The following ALG12 variants were observed in gnomAD, a reference collection of about 807,000 sequenced individuals.
The protein encoded by ALG12 is dol-P-Man:Man(7)GlcNAc(2)-PP-Dol alpha-1,6-mannosyltransferase.
Under a neutral mutation model 46.0 loss-of-function variants are expected in ALG12, and 36 were observed. That is an observed-to-expected ratio of 0.78 (90% CI 0.60 to 1.03). The LOEUF is 1.03. ALG12 is among the 50% of genes least tolerant of loss of function. The pLI is 0.00. For missense variants in ALG12, 599 were observed against 633.5 expected (o/e 0.95, Z 0.58); for synonymous variants, 326 against 291.6 (o/e 1.12, Z -1.20).
At chr22:49,916,084 C>A (rs901550989) in intron 1 of ALG12, among the ~76,000 whole-genome samples, 1 of 150,794 alleles carries the variant, frequency 6.6e-6, no homozygotes, top group African/African-American at 2.4e-5. Context: ...ATGGTAAAAC[C>A]CCGTCTCTAC....
chr22:49,873,723 A>G, the ALG12 span, among the ~76,000 whole-genome samples: 1 of 152,196 alleles, frequency 6.6e-6, no homozygotes, highest in African/African-American at 2.4e-5. Flanking sequence ...TTCCCACCTC[A>G]TCACCCCCAC....
chr22:49,897,938 C>T (rs11704585), downstream of ALG12, among the ~76,000 whole-genome samples: 7 of 151,942 alleles, frequency 4.6e-5, no homozygotes, highest in Admixed American at 3.3e-4. Flanking sequence ...GGATTACAGG[C>T]GTGAGCCACC....
chr22:49,879,472 C>T, the ALG12 span, among the ~76,000 whole-genome samples: 1 of 151,844 alleles, frequency 6.6e-6, no homozygotes, highest in Non-Finnish European at 1.5e-5. Flanking sequence ...CCATGTTGCC[C>T]AGGCACACAC....
In ALG12 at chr22:49,918,288, C is replaced by G. The variant is rs1333406149; in HGVS notation, c.-104G>C. 1 of 152,506 alleles carries G rather than the reference C, an allele frequency of 6.6e-6. No homozygotes were observed. Among genetic ancestry groups the G allele is most frequent in the Non-Finnish European group, 1.5e-5 (1 of 68,188 alleles). 9.4% of individuals were successfully genotyped at this position (152,506 alleles called of 1,614,324 possible). Reference sequence around the variant, plus strand: ...CTCCGCAGCTCCCGGCGGCGTCCTTCGAAGCGCGGCTGCCTGGGCCAGCCT... The same window carrying G: ...CTCCGCAGCTCCCGGCGGCGTCCTTGGAAGCGCGGCTGCCTGGGCCAGCCT... On this transcript the variant is annotated 5_prime_UTR_variant, in exon 1 of 10. Transcript: ENST00000330817.
the ALG12 span, among the ~76,000 whole-genome samples, chr22:49,869,993 G>T: frequency 0.64 from 97,721 of 151,772 alleles, 35,634 homozygotes; most frequent in East Asian, 0.85. Context: ...CCTCACTCTC[G>T]CAGTCCCAGT....
the ALG12 span, among the ~76,000 whole-genome samples, chr22:49,890,662 G>T: frequency 1.3e-5 from 2 of 152,170 alleles, no homozygotes; most frequent in African/African-American, 4.8e-5. Flanking sequence ...CACTGATGAG[G>T]CTTTCCTGGG....
chr22:49,886,841 C>T, the ALG12 span: 10 of 1,613,868 alleles, frequency 6.2e-6, no homozygotes, highest in Admixed American at 1.5e-4. This position sits in a 1 kb window ranked among gnomAD's most constrained non-coding sequence, Gnocchi z 7.7. Flanking sequence ...GACTCTGCCG[C>T]AGAGGAGAAC....
intron 3 of ALG12, among the ~76,000 whole-genome samples, chr22:49,911,276 C>G (rs544407349): frequency 2.6e-4 from 39 of 152,352 alleles, no homozygotes; most frequent in African/African-American, 8.7e-4. Context: ...TGAGAAGCAA[C>G]TGGGTCCAGG....
At chr22:49,892,775 TTTTC>T in the ALG12 span, among the ~76,000 whole-genome samples, 1 of 152,154 alleles carries the variant, frequency 6.6e-6, no homozygotes, top group Non-Finnish European at 1.5e-5. Flanking sequence ...GAAAACTAAA[TTTTC>T]TTTCAATGAA....
At chr22:49,886,808 G>A in the ALG12 span, 3 of 1,613,432 alleles carry the variant, frequency 1.9e-6, no homozygotes, top group Non-Finnish European at 2.5e-6. This position sits in a 1 kb window ranked among gnomAD's most constrained non-coding sequence, Gnocchi z 7.7. Flanking sequence ...TCCCACAGGT[G>A]TGATGCTGGC....
chr22:49,885,892 C>T, the ALG12 span: 3 of 1,128,146 alleles, frequency 2.7e-6, no homozygotes, highest in Admixed American at 1.8e-5. Flanking sequence ...CCGTGAGTAC[C>T]TGACCCTCAC....
chr22:49,887,464 T>C, the ALG12 span: 3 of 304,606 alleles, frequency 9.8e-6, no homozygotes, highest in East Asian at 1.7e-4. Flanking sequence ...TTTAAAGTTT[T>C]GGGTTAGTAA....
At chr22:49,895,544 C>T (rs2060480475), downstream of ALG12, among the ~76,000 whole-genome samples, 1 of 151,850 alleles carries the variant, frequency 6.6e-6, no homozygotes, top group South Asian at 2.1e-4. Context: ...CCCAGCTACT[C>T]AGGAGGCTGA....
At chr22:49,904,724 T>C in intron 7 of ALG12, 1 of 575,268 alleles carries the variant, frequency 1.7e-6, no homozygotes, top group African/African-American at 1.9e-5. Context: ...CAATTTAAAA[T>C]TTAGATGAGA....
chr22:49,884,854 C>T, the ALG12 span: 1 of 1,610,410 alleles, frequency 6.2e-7, no homozygotes, highest in African/African-American at 1.3e-5. Flanking sequence ...TGAGGACTTG[C>T]AGTCTCACTT....
Position 49,905,920 on chromosome 22 carries a change from C to G in ALG12, c.993-1414G>C, listed in dbSNP as rs1414993434. ...GTTCGTCCTTTGTTCCCGCCCAAAC[C>G]TGGAGTGGGCAGTCACTGTGGAAAG... is the stretch of plus-strand genomic sequence containing the variant. On this transcript the variant is annotated intron_variant, in intron 7 of 9. Coordinates refer to ENST00000330817, the MANE Select transcript of ALG12 (RefSeq NM_024105.4). The surrounding 1 kb of genome is among the most constrained non-coding windows in gnomAD (Gnocchi z 4.9). 6.6e-6 allele frequency among the ~76,000 whole-genome samples: 1 copy of G among 152,188 alleles called. No homozygotes were observed. Among genetic ancestry groups the G allele is most frequent in the African/African-American group, 2.4e-5 (1 of 41,450 alleles).
chr22:49,917,979 G>GGAGCCCGGACCC (rs1601831745), intron 1 of ALG12, among the ~76,000 whole-genome samples: 3 of 141,058 alleles, frequency 2.1e-5, no homozygotes, highest in East Asian at 4.0e-4. Flanking sequence ...CCCCAGGTGA[G>GGAGCCCGGACCC]AGGTCCAGCC....
At chr22:49,894,162 C>G in the ALG12 span, among the ~76,000 whole-genome samples, 1 of 152,020 alleles carries the variant, frequency 6.6e-6, no homozygotes, top group Non-Finnish European at 1.5e-5. Flanking sequence ...AAGACTTCAT[C>G]TCAAAAAAAA....
chr22:49,904,178 C>T lies in ALG12; in HGVS notation c.1238+1G>A. On this transcript the variant is annotated splice_donor_variant, in intron 9 of 9. Coordinates refer to ENST00000330817, the MANE Select transcript of ALG12 (RefSeq NM_024105.4). LOFTEE classifies it high-confidence loss of function. Reference sequence around the variant, plus strand: ...AGGGCCGTGCTGTGTGTGGATCCTACCTCCAGGCGCTGTTGACTTGGAGAA... The same window carrying T: ...AGGGCCGTGCTGTGTGTGGATCCTATCTCCAGGCGCTGTTGACTTGGAGAA... 1 of 1,614,220 alleles carries T rather than the reference C, an allele frequency of 6.2e-7. No individual in the cohort carries two copies.
Sources: allele counts gnomAD v4.1 joint callset (sites outside exome capture counted in the v4.1 genomes callset), GRCh38; gene constraint gnomAD v4.1.1; non-coding constraint Gnocchi (gnomAD v3.1); transcripts MANE v1.5; gene names NCBI Gene and HGNC (gene_info 2026-07-23, HGNC 2026-07-21).